AGBL1: variants seen among roughly 807,000 people sequenced by gnomAD.
The protein encoded by AGBL1 is AGBL carboxypeptidase 1.
Under a neutral mutation model 118.9 loss-of-function variants are expected in AGBL1, and 130 were observed. The observed-to-expected ratio is 1.09, with a 90% CI of 0.95 to 1.26. AGBL1 has a LOEUF of 1.26. Ranked by LOEUF, AGBL1 falls within the 50% of genes most tolerant of loss-of-function variation. AGBL1 has a pLI of 0.00. For synonymous variants in AGBL1, 555 were observed against 478.9 expected, an observed-to-expected ratio of 1.16 and a Z score of -2.08; for missense variants, 1,584 against 1,298.1, an observed-to-expected ratio of 1.22 and a Z score of -3.38.
intron 7 of AGBL1, 95 bp from the exon 8 acceptor site, chr15:86,256,758 T>C: frequency 8.0e-7 from 1 of 1,247,504 alleles, no homozygotes; most frequent in South Asian, 1.4e-5. Flanking sequence ...TAGGAGACTG[T>C]GCTGTGTTAC....
chr15:86,309,502 T>G (rs1280473910), intron 17 of AGBL1, among the ~76,000 whole-genome samples: 4 of 152,230 alleles, frequency 2.6e-5, no homozygotes, highest in Admixed American at 2.6e-4. Flanking sequence ...GAGGAAAAGC[T>G]TTCAGCTTTT....
chr15:86,849,739 G>T (rs574944083), intron 22 of AGBL1, among the ~76,000 whole-genome samples: 8 of 152,256 alleles, frequency 5.3e-5, no homozygotes, highest in African/African-American at 1.9e-4. Context: ...TCTGTGCTCC[G>T]CAGGGGCGAT....
At chr15:86,463,899 C>T (rs1596146368) in intron 18 of AGBL1, among the ~76,000 whole-genome samples, 1 of 152,202 alleles carries the variant, frequency 6.6e-6, no homozygotes, top group Non-Finnish European at 1.5e-5. Flanking sequence ...ATCCTTTTTG[C>T]TTAGGATTGT....
chr15:86,631,288 G>A (rs1459647911), intron 21 of AGBL1, among the ~76,000 whole-genome samples: 2 of 151,206 alleles, frequency 1.3e-5, no homozygotes, highest in African/African-American at 4.9e-5. Flanking sequence ...GAGGAAGTAG[G>A]GGGAGACGTA....
At chr15:86,191,894 C>G (rs1220532339) in intron 5 of AGBL1, among the ~76,000 whole-genome samples, 1 of 148,332 alleles carries the variant, frequency 6.7e-6, no homozygotes, top group Non-Finnish European at 1.5e-5. Flanking sequence ...GCAACATAGA[C>G]CCTGTCTCTT....
At chr15:86,235,677 A>G (rs2078528940) in intron 6 of AGBL1, among the ~76,000 whole-genome samples, 1 of 148,668 alleles carries the variant, frequency 6.7e-6, no homozygotes, top group Non-Finnish European at 1.5e-5. Context: ...GCAGCTTTTC[A>G]TATATACAAT....
chr15:86,785,043 G>A (rs9972438), intron 22 of AGBL1, among the ~76,000 whole-genome samples: 1,792 of 152,108 alleles, frequency 0.012, 35 homozygotes, highest in African/African-American at 0.042. Context: ...GTACTTTCTC[G>A]GGCAAATTCT....
At chr15:86,971,977 C>A (rs555763722) in intron 23 of AGBL1, among the ~76,000 whole-genome samples, 2 of 152,068 alleles carry the variant, frequency 1.3e-5, no homozygotes, top group Admixed American at 6.6e-5. Context: ...AAGGGGCCTG[C>A]TTCCCCTTCA....
chr15:86,407,232 C>T (rs1035046887), intron 18 of AGBL1, among the ~76,000 whole-genome samples: 5 of 152,076 alleles, frequency 3.3e-5, no homozygotes, highest in East Asian at 1.9e-4. Flanking sequence ...TTTTGCAGAC[C>T]GAAAAATGAA....
chr15:86,744,143 A>G (rs978292615), intron 22 of AGBL1, among the ~76,000 whole-genome samples: 3 of 152,148 alleles, frequency 2.0e-5, no homozygotes, highest in Admixed American at 2.0e-4. Context: ...AGTTTAAAAC[A>G]CAAACATTTC....
At chr15:86,663,896 T>C (rs756156731) in intron 21 of AGBL1, among the ~76,000 whole-genome samples, 1 of 152,148 alleles carries the variant, frequency 6.6e-6, no homozygotes. Flanking sequence ...GGCTACCTAA[T>C]GATATAGTCT....
intron 21 of AGBL1, among the ~76,000 whole-genome samples, chr15:86,647,510 GC>G (rs1321808976): frequency 6.6e-6 from 1 of 152,190 alleles, no homozygotes; most frequent in African/African-American, 2.4e-5. Flanking sequence ...AAACCAGCCT[GC>G]CCAACATGGT....
intron 22 of AGBL1, among the ~76,000 whole-genome samples, chr15:86,858,046 A>G (rs1317420130): frequency 1.3e-5 from 2 of 152,114 alleles, no homozygotes; most frequent in African/African-American, 4.8e-5. Context: ...CTGCCCACGT[A>G]ACACCTTATA....
chr15:87,026,561 G>A (rs759914035), intron 24 of AGBL1, among the ~76,000 whole-genome samples: 29 of 152,100 alleles, frequency 1.9e-4, no homozygotes, highest in Non-Finnish European at 3.5e-4. Flanking sequence ...ATGTAAACTA[G>A]TACAATCACT....
chr15:86,113,162 C>G (rs910898976), intron 1 of AGBL1, among the ~76,000 whole-genome samples: 1 of 151,312 alleles, frequency 6.6e-6, no homozygotes, highest in African/African-American at 2.4e-5. Context: ...TGGCTCTCAG[C>G]CTTCTTAGTT....
At chr15:86,334,643 A>G (rs1453964126) in intron 17 of AGBL1, among the ~76,000 whole-genome samples, 11 of 121,948 alleles carry the variant, frequency 9.0e-5, no homozygotes. Flanking sequence ...CTTTTCACAT[A>G]ACTAGAAAAA....
chr15:86,921,469 C>G (rs2080481295), intron 23 of AGBL1, among the ~76,000 whole-genome samples: 2 of 152,220 alleles, frequency 1.3e-5, no homozygotes, highest in East Asian at 3.8e-4. Flanking sequence ...TCTCATGACT[C>G]TAGCTTCCTT....
chr15:86,316,756 C>A (rs2080018909), intron 17 of AGBL1: 1 of 152,280 alleles, frequency 6.6e-6, no homozygotes, highest in African/African-American at 2.4e-5. Context: ...CTCAGCTGTG[C>A]TGATAGCACT....
intron 24 of AGBL1, among the ~76,000 whole-genome samples, chr15:87,022,502 A>G (rs957607128): frequency 1.3e-5 from 2 of 152,130 alleles, no homozygotes; most frequent in African/African-American, 4.8e-5. Flanking sequence ...CAGAGGAAGA[A>G]GAGATATCTA....
Sources: allele counts gnomAD v4.1 joint callset (sites outside exome capture counted in the v4.1 genomes callset), GRCh38; gene constraint gnomAD v4.1.1; transcripts MANE v1.5; gene names NCBI Gene and HGNC (gene_info 2026-07-23, HGNC 2026-07-21).